ATP2B1: variants seen among roughly 807,000 people sequenced by gnomAD.
ATP2B1 encodes plasma membrane calcium-transporting ATPase 1.
In ATP2B1, 14 loss-of-function variants were observed where a neutral mutation model predicts 124.2. The ratio of observed to expected loss-of-function variants is 0.11; its 90% confidence interval spans 0.07 to 0.18. ATP2B1 has a LOEUF of 0.18. ATP2B1 is among the 10% of genes least tolerant of loss of function. ATP2B1 has a pLI of 1.00. For synonymous variants in ATP2B1, 449 were observed against 492.4 expected (o/e 0.91, Z 1.17); for missense variants, 763 against 1,466.1 (o/e 0.52, Z 7.83).
chr12:89,633,431 T>C (rs1882202523), intron 5 of ATP2B1, among the ~76,000 whole-genome samples: 2 of 151,952 alleles, frequency 1.3e-5, no homozygotes, highest in African/African-American at 4.8e-5. Context: ...TACGTATATC[T>C]CCTAATGTTC....
At chr12:89,658,759 C>T (rs1886323139) in intron 1 of ATP2B1, among the ~76,000 whole-genome samples, 1 of 152,110 alleles carries the variant, frequency 6.6e-6, no homozygotes, top group African/African-American at 2.4e-5. Flanking sequence ...AATAAATGCC[C>T]TTCAGGGGTT....
chr12:89,604,236 G>A lies in ATP2B1; in HGVS notation c.2553C>T (p.Ser851=). 1 of 1,613,966 alleles carries A rather than the reference G, an allele frequency of 6.2e-7. No homozygotes were observed. The highest frequency in any genetic ancestry group is 8.5e-7 in the Non-Finnish European group (1 of 1,179,966). The change falls in exon 16 of 21, where the codon AGC becomes AGT. Residue 851 remains serine, a synonymous_variant. Transcript: ENST00000428670. The stretch of plus-strand genomic sequence containing the variant: ...GTTGGAACTGAAGGAATTTTGAGAT[G>A]CTGTCATAGACATTTCGTCCCCACA... The part of the protein sequence containing the change: ...AVMWGRNVYD[S]ISKFLQFQLT...
chr12:89,590,810 G>C lies in ATP2B1; in HGVS notation c.*174C>G, dbSNP rs1873412708. ...ACCCCCCAAAAAGCACCCTCAGTCT[G>C]GCAGAAAGCTTTGCTTTTTTTTTTT... On this transcript the variant is annotated 3_prime_UTR_variant, in exon 21 of 21. Coordinates refer to ENST00000428670, the MANE Select transcript of ATP2B1 (RefSeq NM_001366521.1). The C allele has an allele frequency of 1.4e-6, 1 of 712,744 alleles. No individual in the cohort carries two copies. The highest frequency in any genetic ancestry group is 1.8e-5 in the African/African-American group (1 of 55,416). The allele number at this position is 712,744 out of a possible 1,614,324, so 44.2% of individuals were successfully genotyped here.
intron 1 of ATP2B1, among the ~76,000 whole-genome samples, chr12:89,674,133 A>AC (rs1888329803): frequency 6.6e-6 from 1 of 152,210 alleles, no homozygotes; most frequent in African/African-American, 2.4e-5. Flanking sequence ...TGAGCAAGAC[A>AC]CAATAATTCC....
intron 3 of ATP2B1, among the ~76,000 whole-genome samples, chr12:89,638,794 A>C (rs1023343863): frequency 2.0e-5 from 3 of 152,214 alleles, no homozygotes; most frequent in African/African-American, 7.2e-5. Flanking sequence ...ATGCTGTGAA[A>C]AGATTGCCAC....
chr12:89,601,359 T>A lies in ATP2B1; in HGVS notation c.3135A>T (p.Ile1045=), dbSNP rs1875808939. ...AGAGTAATGTTCCCATTCCTAGGAA[T>A]ATTGACCATAGCCACTGTTCTATTG... ...ELSIEQWLWS[I]FLGMGTLLWG... is the part of the protein sequence containing the mutation. The change falls in exon 19 of 21, where the codon ATA becomes ATT. Residue 1045 remains isoleucine (I), a synonymous_variant. Coordinates refer to ENST00000428670, the MANE Select transcript of ATP2B1 (RefSeq NM_001366521.1). The A allele has an allele frequency of 1.3e-6, 2 of 1,578,652 alleles. No homozygotes were observed.
At chr12:89,706,661 C>T (rs1892486822) in intron 1 of ATP2B1, among the ~76,000 whole-genome samples, 1 of 152,112 alleles carries the variant, frequency 6.6e-6, no homozygotes, top group Admixed American at 6.5e-5. Flanking sequence ...GAAGACAATT[C>T]CCCCTTACAC....
chr12:89,637,742 T>C (rs1882921311), intron 3 of ATP2B1, among the ~76,000 whole-genome samples: 1 of 152,092 alleles, frequency 6.6e-6, no homozygotes. Context: ...ATGCTGAAAA[T>C]ATACAAATTA....
intron 1 of ATP2B1, among the ~76,000 whole-genome samples, chr12:89,708,101 G>A (rs1476214137): frequency 6.6e-6 from 1 of 152,164 alleles, no homozygotes; most frequent in Admixed American, 6.5e-5. Flanking sequence ...GCCGACCAGG[G>A]GCCCCCGCTC....
At chr12:89,704,527 A>G (rs1892221567) in intron 1 of ATP2B1, among the ~76,000 whole-genome samples, 1 of 152,200 alleles carries the variant, frequency 6.6e-6, no homozygotes, top group African/African-American at 2.4e-5. Flanking sequence ...AGCAAAATCT[A>G]GAAGCCACCT....
chr12:89,615,062 C>T (rs1213407119), intron 12 of ATP2B1, among the ~76,000 whole-genome samples: 2 of 152,172 alleles, frequency 1.3e-5, no homozygotes, highest in African/African-American at 2.4e-5. Flanking sequence ...GAGATCATCT[C>T]GTCTCCCCTT....
intron 2 of ATP2B1, among the ~76,000 whole-genome samples, chr12:89,653,275 AT>A (rs1047635297): frequency 5.8e-5 from 8 of 138,690 alleles, no homozygotes; most frequent in African/African-American, 1.1e-4. Flanking sequence ...TTCACATAGA[AT>A]TTTTTTCTTT....
chr12:89,673,143 A>C (rs1230371051), intron 1 of ATP2B1, among the ~76,000 whole-genome samples: 1 of 152,212 alleles, frequency 6.6e-6, no homozygotes, highest in African/African-American at 2.4e-5. Context: ...ATCTCATAGT[A>C]TGTTAATAGT....
chr12:89,702,616 C>T (rs1891989143), intron 1 of ATP2B1, among the ~76,000 whole-genome samples: 1 of 152,018 alleles, frequency 6.6e-6, no homozygotes, highest in Admixed American at 6.5e-5. Context: ...TTTCAGAAAA[C>T]ATAAATTTGA....
chr12:89,678,547 G>C (rs1394122700), intron 1 of ATP2B1, among the ~76,000 whole-genome samples: 7 of 152,148 alleles, frequency 4.6e-5, no homozygotes, highest in Non-Finnish European at 7.4e-5. Context: ...CACACACAGA[G>C]TAAGATTTCA....
chr12:89,699,819 C>T (rs1891611130), intron 1 of ATP2B1, among the ~76,000 whole-genome samples: 1 of 151,972 alleles, frequency 6.6e-6, no homozygotes, highest in Non-Finnish European at 1.5e-5. Context: ...TACATAAAAA[C>T]AGTAGTGCTT....
chr12:89,602,376 A>C (rs1876025704), intron 18 of ATP2B1, among the ~76,000 whole-genome samples: 1 of 152,228 alleles, frequency 6.6e-6, no homozygotes, highest in African/African-American at 2.4e-5. Flanking sequence ...CCCAAATATT[A>C]AAATCAAAAA....
chr12:89,683,219 A>T (rs1348853824), intron 1 of ATP2B1, among the ~76,000 whole-genome samples: 1 of 152,216 alleles, frequency 6.6e-6, no homozygotes, highest in Non-Finnish European at 1.5e-5. Flanking sequence ...ATGTATGTAA[A>T]ATGTCATATG....
chr12:89,660,135 T>C (rs1886523947), intron 1 of ATP2B1, among the ~76,000 whole-genome samples: 1 of 152,120 alleles, frequency 6.6e-6, no homozygotes, highest in African/African-American at 2.4e-5. Flanking sequence ...CTAAATATAT[T>C]AGATAGAAAA....
Sources: allele counts gnomAD v4.1 joint callset (sites outside exome capture counted in the v4.1 genomes callset), GRCh38; gene constraint gnomAD v4.1.1; transcripts MANE v1.5; gene names NCBI Gene and HGNC (gene_info 2026-07-23, HGNC 2026-07-21).